MUC5AC: variants seen among roughly 807,000 people sequenced by gnomAD.
The protein encoded by MUC5AC is mucin 5AC, oligomeric mucus/gel-forming.
MUC5AC carries 158 observed loss-of-function variants against 169.7 expected under a neutral mutation model. The ratio of observed to expected loss-of-function variants is 0.93; its 90% confidence interval spans 0.82 to 1.06. MUC5AC has a LOEUF of 1.06. MUC5AC is among the 50% of genes least tolerant of loss of function. The pLI, the probability that MUC5AC is intolerant of heterozygous loss-of-function variation, is 0.00. For synonymous variants in MUC5AC, 1,975 were observed against 1,237.0 expected (o/e 1.60, Z -12.52); for missense variants, 4,359 against 3,089.9 (o/e 1.41, Z -9.74).
In MUC5AC at chr11:1,191,915, A is replaced by T. The variant is rs776880511; in HGVS notation, c.13770A>T (p.Gly4590=). 1.3e-6 allele frequency: 1 copy of T among 764,986 alleles called. No individual in the cohort carries two copies. Among genetic ancestry groups the T allele is most frequent in the Non-Finnish European group, 2.4e-6 (1 of 417,760 alleles). 47.4% of individuals were successfully genotyped at this position (764,986 alleles called of 1,614,324 possible). Residue 4590 remains glycine, a synonymous_variant, in exon 31 of 49, where the codon GGA becomes GGT. Coordinates refer to ENST00000621226, the MANE Select transcript of MUC5AC (RefSeq NM_001304359.2). ...CAACCAGCACGACCTCTGGTCCTGG[A>T]ACTACTCCCAGCCCCGTTCCCACCA... ...APTTSTTSGP[G]TTPSPVPTTS...
Position 1,183,768 on chromosome 11 carries a change from C to T in MUC5AC, c.5623C>T (p.Gln1875Ter), listed in dbSNP as rs1335801922. The change falls in exon 31 of 49, where the codon CAG becomes TAG. Residue 1875 changes from glutamine (Q) to a stop codon, truncating the protein, a stop_gained. Transcript: ENST00000621226. LOFTEE classifies it high-confidence loss of function. ...PSTTSKTTET[Q>*]ASGSSAPSST... ...AACAACCTCCAAGACCACTGAAACCCAGGCCTCAGGCTCCTCAGCCCCCAG... is the reference window on the plus strand; with the variant it reads ...AACAACCTCCAAGACCACTGAAACCTAGGCCTCAGGCTCCTCAGCCCCCAG... The T allele has an allele frequency of 7.2e-5, 33 of 461,214 alleles. 1 individual carries two copies. The South Asian group carries it at 1.2e-3, about 17-fold the overall frequency. 28.6% of individuals were successfully genotyped at this position (461,214 alleles called of 1,614,324 possible).
At position 1,168,988 on chromosome 11, in the gene MUC5AC, A is replaced by G. The variant is rs1860415045; in HGVS notation, c.1832A>G (p.Asn611Ser). The G allele has an allele frequency of 6.2e-7, 1 of 1,608,630 alleles. No individual in the cohort carries two copies. The highest frequency in any genetic ancestry group is 1.3e-5 in the African/African-American group (1 of 74,798). Residue 611 changes from asparagine (N) to serine (S), a missense_variant, in exon 15 of 49, where the codon AAC becomes AGC. Coordinates refer to ENST00000621226, the MANE Select transcript of MUC5AC (RefSeq NM_001304359.2). ...KTQAACPNIRNSFEDPCSLSV... is the reference protein window; with the variant it reads ...KTQAACPNIRSSFEDPCSLSV... The stretch of plus-strand genomic sequence containing the variant: ...CAGGCCGCCTGCCCCAACATCAGGA[A>G]CAGCTTCGAGGACCCCTGCTCTCTG...
chr11:1,161,205 G>A (rs1220698722), intron 2 of MUC5AC, among the ~76,000 whole-genome samples: 2 of 152,206 alleles, frequency 1.3e-5, no homozygotes. Context: ...CCTAATCTCA[G>A]CACCTGAGAG....
rs531684333 is a variant in MUC5AC, at chr11:1,198,222, G to C, written c.16136-46G>C. The C allele has an allele frequency of 4.1e-6, 3 of 729,754 alleles. No homozygotes were observed. In the African/African-American group the frequency reaches 5.1e-5, roughly 12 times the overall value. 45.2% of individuals were successfully genotyped at this position (729,754 alleles called of 1,614,324 possible). ...GGGGCGGGAATGCTGAGGGTGAGGG[G>C]AGAGTGGGCGGCGGGGGGTGCAGCT... On this transcript the variant is annotated intron_variant, in intron 42 of 48. Transcript: ENST00000621226.
chr11:1,189,248 A>T lies in MUC5AC; in HGVS notation c.11103A>T (p.Thr3701=). Residue 3701 remains threonine (T), a synonymous_variant, in exon 31 of 49, where the codon ACA becomes ACT. Coordinates refer to ENST00000621226, the MANE Select transcript of MUC5AC (RefSeq NM_001304359.2). ...CAACCAGCACAACCTCTGCTCCCAC[A>T]ACGAGCACAACTTCTGCCCCTACAA... ...APTTSTTSAP[T]TSTTSAPTTS... 1.7e-6 allele frequency: 1 copy of T among 588,774 alleles called. No individual in the cohort carries two copies. The highest frequency in any genetic ancestry group is 2.8e-5 in the East Asian group (1 of 36,124). 36.5% of individuals were successfully genotyped at this position (588,774 alleles called of 1,614,324 possible). A position where few individuals can be genotyped will look rare whatever the true frequency, so the allele number is the denominator to read the frequency against.
rs1860710884 is a variant in MUC5AC at position 1,177,281 on chromosome 11, C to T, written c.2844C>T (p.Thr948=). 1.1e-5 allele frequency: 5 copies of T among 451,958 alleles called. No homozygotes were observed. In the East Asian group the frequency reaches 1.3e-4, roughly 11 times the overall value. 28.0% of individuals were successfully genotyped at this position (451,958 alleles called of 1,614,324 possible). A position where few individuals can be genotyped will look rare whatever the true frequency, so the allele number is the denominator to read the frequency against. Residue 948 remains threonine (T), a synonymous_variant, in exon 23 of 49, where the codon ACC becomes ACT. Coordinates refer to ENST00000621226, the MANE Select transcript of MUC5AC (RefSeq NM_001304359.2). ...CCCAGGACTCCTTTCGTGTTGTCACCGAGAACGTCCCCTGCGGCACCACAG... is the reference window on the plus strand; with the variant it reads ...CCCAGGACTCCTTTCGTGTTGTCACTGAGAACGTCCCCTGCGGCACCACAG... ...DSTQDSFRVV[T]ENVPCGTTGT...
At chr11:1,193,408 G>T (rs1386143665) in intron 32 of MUC5AC, 77 bp from the exon 33 acceptor site, 2 of 653,752 alleles carry the variant, frequency 3.1e-6, no homozygotes, top group South Asian at 1.7e-5. Flanking sequence ...GGACTCTCGG[G>T]ACTGTGACCC....
Position 1,185,719 on chromosome 11 carries a change from C to A in MUC5AC, c.7574C>A (p.Thr2525Asn), listed in dbSNP as rs1409546775. ...STTSASTTST[T>N]SGAGTTPSPV... The stretch of plus-strand genomic sequence containing the variant: ...ACCTCTGCTTCTACAACCAGCACAA[C>A]CTCTGGTGCTGGAACTACTCCCAGC... The change falls in exon 31 of 49, where the codon ACC becomes AAC. Residue 2525 changes from threonine (T) to asparagine (N), a missense_variant. Thr to Asn is a moderately conservative substitution (Grantham distance 65). Transcript: ENST00000621226. The A allele has an allele frequency of 6.7e-6, 5 of 744,766 alleles. No individual in the cohort carries two copies. The highest frequency in any genetic ancestry group is 1.7e-5 in the African/African-American group (1 of 58,094). 46.1% of individuals were successfully genotyped at this position (744,766 alleles called of 1,614,324 possible).
At chr11:1,171,254 CCACTCACCCACT>C (rs1196298282) in intron 15 of MUC5AC, among the ~76,000 whole-genome samples, 21,989 of 115,348 alleles carry the variant, frequency 0.19, 2,005 homozygotes, top group Non-Finnish European at 0.22. Context: ...ACCCACTCAT[CCACTCACCCACT>C]CACTCACCCA....
At position 1,191,692 on chromosome 11, in the gene MUC5AC, T is replaced by C; in HGVS notation, c.13547T>C (p.Val4516Ala). The C allele has an allele frequency of 1.4e-6, 1 of 701,620 alleles. No individual in the cohort carries two copies. Among genetic ancestry groups the C allele is most frequent in the East Asian group, 2.6e-5 (1 of 38,028 alleles). 43.5% of individuals were successfully genotyped at this position (701,620 alleles called of 1,614,324 possible). ...GGTCCTGGAACTACTCCCAGCCCTG[T>C]TCCCACCACCAGCACAACCTCTGCT... ...TSGPGTTPSP[V>A]PTTSTTSAPT... The change falls in exon 31 of 49, where the codon GTT becomes GCT. Residue 4516 changes from valine (V) to alanine (A), a missense_variant. Val to Ala is a moderately conservative substitution (Grantham distance 64, BLOSUM62 0). Coordinates refer to ENST00000621226, the MANE Select transcript of MUC5AC (RefSeq NM_001304359.2).
At chr11:1,165,804 C>A in intron 11 of MUC5AC, 44 bp downstream of exon 11, 1 of 1,606,488 alleles carries the variant, frequency 6.2e-7, no homozygotes, top group East Asian at 2.2e-5. Flanking sequence ...AGAGGGGGCC[C>A]ATGGCCAGCC....
rs1861084695 is a variant in MUC5AC at position 1,191,125 on chromosome 11, C to T, written c.12980C>T (p.Thr4327Ile). 2 of 699,390 alleles carry T rather than the reference C, an allele frequency of 2.9e-6. No homozygotes were observed. The highest frequency in any genetic ancestry group is 1.8e-5 in the African/African-American group (1 of 57,066). 43.3% of individuals were successfully genotyped at this position (699,390 alleles called of 1,614,324 possible). The change falls in exon 31 of 49, where the codon ACC (threonine) becomes ATC (isoleucine). Residue 4327 changes from threonine (T) to isoleucine (I), a missense_variant. By Grantham distance (89) the Thr-to-Ile change is moderately conservative (BLOSUM62 -1). Transcript: ENST00000621226. Reference sequence around the variant, plus strand: ...ACTACTCCCAGCCCTGTTCCCACCACCAGCACAACCTCTGCTCCTATAACC... The same window carrying T: ...ACTACTCCCAGCCCTGTTCCCACCATCAGCACAACCTCTGCTCCTATAACC... ...PGTTPSPVPT[T>I]STTSAPITST...
At chr11:1,158,431 G>A (rs1860027587) in intron 1 of MUC5AC, among the ~76,000 whole-genome samples, 1 of 152,208 alleles carries the variant, frequency 6.6e-6, no homozygotes, top group Non-Finnish European at 1.5e-5. Flanking sequence ...GGCCTGGTCG[G>A]GGCATTAGCC....
At chr11:1,168,050 C>T in intron 12 of MUC5AC, 63 bp downstream of exon 12, 1 of 1,376,996 alleles carries the variant, frequency 7.3e-7, no homozygotes, top group South Asian at 1.2e-5. Flanking sequence ...TTCTGCAAGT[C>T]ACCTCTGCCC....
rs1860987601 is a variant in MUC5AC at position 1,187,660 on chromosome 11, C to G, written c.9515C>G (p.Thr3172Ser). The change falls in exon 31 of 49, where the codon ACC becomes AGC. Residue 3172 changes from threonine (T) to serine (S), a missense_variant. Thr to Ser is a moderately conservative substitution (Grantham distance 58). Coordinates refer to ENST00000621226, the MANE Select transcript of MUC5AC (RefSeq NM_001304359.2). ...ACAATCTTTGCTCCTAGAACCAGCA[C>G]CACTTCTGCCTCTACAACCAGCACA... ...TSTIFAPRTSTTSASTTSTTP... is the reference protein window; with the variant it reads ...TSTIFAPRTSSTSASTTSTTP... 1 of 765,028 alleles carries G rather than the reference C, an allele frequency of 1.3e-6. No homozygotes were observed. Among genetic ancestry groups the G allele is most frequent in the South Asian group, 1.3e-5 (1 of 74,586 alleles). 47.4% of individuals were successfully genotyped at this position (765,028 alleles called of 1,614,324 possible). A position where few individuals can be genotyped will look rare whatever the true frequency, so the allele number is the denominator to read the frequency against.
intron 48 of MUC5AC, 106 bp downstream of exon 48, chr11:1,200,075 C>A: frequency 1.6e-6 from 1 of 621,138 alleles, no homozygotes; most frequent in Non-Finnish European, 2.9e-6. Context: ...CCATGAGGGG[C>A]CAGGCAAAGG....
chr11:1,196,934 G>T (rs762799332), intron 40 of MUC5AC, 26 bp downstream of exon 40: 1 of 759,310 alleles, frequency 1.3e-6, no homozygotes, highest in South Asian at 1.4e-5. Context: ...GGCCCAAGAG[G>T]GCACTGGGGT....
intron 5 of MUC5AC, 132 bp downstream of exon 5, chr11:1,162,778 C>G: frequency 9.9e-7 from 1 of 1,006,402 alleles, no homozygotes; most frequent in Non-Finnish European, 1.5e-6. Flanking sequence ...ACACAGCAGG[C>G]AAGAACAGGT....
chr11:1,166,273 C>T (rs1221936352), intron 11 of MUC5AC, among the ~76,000 whole-genome samples: 1 of 145,186 alleles, frequency 6.9e-6, no homozygotes, highest in African/African-American at 2.6e-5. Flanking sequence ...ACCCAACATA[C>T]AGTCTCTGCA....
Sources: gnomAD v4.1 joint callset for allele counts (sites outside exome capture counted in the v4.1 genomes callset) on GRCh38, gnomAD v4.1.1 for gene constraint, MANE v1.5 for transcripts, NCBI Gene and HGNC (gene_info 2026-07-23, HGNC 2026-07-21) for gene names.